Variants in FAN1 observed in about 807,000 individuals in gnomAD.
The protein encoded by FAN1 is fanconi-associated nuclease 1.
Under a neutral mutation model 104.9 loss-of-function variants are expected in FAN1, and 91 were observed. The observed-to-expected ratio is 0.87, with a 90% CI of 0.73 to 1.03. The LOEUF (loss-of-function observed/expected upper bound fraction) is 1.03. Among genes scored for constraint, FAN1 ranks in the 50% least tolerant of loss-of-function variants. The pLI is 0.00. For synonymous variants in FAN1, 478 were observed against 457.6 expected, an observed-to-expected ratio of 1.04 and a Z score of -0.57; for missense variants, 1,263 against 1,239.9, an observed-to-expected ratio of 1.02 and a Z score of -0.28.
In FAN1 at chr15:30,905,748, G is replaced by GCTGCAATGGTCCTGGTCAAA; in HGVS notation, c.1087_1106dup (p.Thr370AlafsTer21). 6.2e-7 allele frequency: 1 copy of GCTGCAATGGTCCTGGTCAAA among 1,614,196 alleles called. No individual in the cohort carries two copies. The highest frequency in any genetic ancestry group is 8.5e-7 in the Non-Finnish European group (1 of 1,180,032). ...AGCATTCCTTTGGAGCAGGGGTCAA[G>GCTGCAATGGTCCTGGTCAAA]CTGCAATGGTCCTGGTCAAACAACC... On this transcript the variant is annotated frameshift_variant, in exon 2 of 15. Transcript: ENST00000362065. LOFTEE classifies it high-confidence loss of function.
chr15:30,938,589 G>T (rs937957499), intron 14 of FAN1, among the ~76,000 whole-genome samples: 6 of 152,194 alleles, frequency 3.9e-5, no homozygotes, highest in Non-Finnish European at 8.8e-5. Context: ...CTGGGCAAGG[G>T]GGTGTGGTAG....
At chr15:30,906,949 T>C (rs2061993290) in intron 2 of FAN1, among the ~76,000 whole-genome samples, 1 of 152,210 alleles carries the variant, frequency 6.6e-6, no homozygotes, top group South Asian at 2.1e-4. Flanking sequence ...TTCCATGTAA[T>C]TGAGAAATAG....
chr15:30,943,037 A>C lies in FAN1; in HGVS notation c.*1475A>C. 1 of 1,547,136 alleles carries C rather than the reference A, an allele frequency of 6.5e-7. No homozygotes were observed. On this transcript the variant is annotated 3_prime_UTR_variant, in exon 15 of 15. Coordinates refer to ENST00000362065, the MANE Select transcript of FAN1 (RefSeq NM_014967.5). ...CAGAGGGGAATTTTAAGCCCTTCTC[A>C]TCACCCAATTGGATGTTTTTGCTTA... is the stretch of plus-strand genomic sequence containing the variant.
intron 8 of FAN1, among the ~76,000 whole-genome samples, chr15:30,922,845 G>GCTCT (rs1221914648): frequency 1.3e-5 from 2 of 152,206 alleles, no homozygotes; most frequent in African/African-American, 4.8e-5. Context: ...TCTGCCATTT[G>GCTCT]GAAGCGTTGT....
rs560051017 is a variant in FAN1, at chr15:30,938,132, C to T, written c.*3+873C>T. Among the ~76,000 whole-genome samples the T allele has an allele frequency of 8.8e-4, 133 of 151,172 alleles. 1 individual carries two copies. Among genetic ancestry groups the T allele is most frequent in the African/African-American group, 3.0e-3 (123 of 41,200 alleles). ...CCGGGAGGTGGAGCTTGCAGTGAGC[C>T]GAGATTGCACCACTGCACTCCAGCC... On this transcript the variant is annotated intron_variant, in intron 14 of 14. Transcript: ENST00000362065.
intron 13 of FAN1, 122 bp downstream of exon 13, chr15:30,930,793 C>T (rs965770515): frequency 1.6e-5 from 20 of 1,279,628 alleles, no homozygotes; most frequent in African/African-American, 1.0e-4. Flanking sequence ...GCTTTTGGGC[C>T]GAGGGCCTGG....
At chr15:30,923,286 G>A (rs1297707128) in intron 8 of FAN1, among the ~76,000 whole-genome samples, 1 of 152,186 alleles carries the variant, frequency 6.6e-6, no homozygotes, top group Non-Finnish European at 1.5e-5. Flanking sequence ...GGTGTTTACT[G>A]AGGCTGAAAT....
Position 30,928,601 on chromosome 15 carries a change from T to C in FAN1, c.2537T>C (p.Leu846Pro). Residue 846 changes from leucine to proline, a missense_variant, in exon 11 of 15, where the codon CTG (leucine) becomes CCG (proline). By Grantham distance (98) the Leu-to-Pro change is moderately conservative (BLOSUM62 -3). Transcript: ENST00000362065. The stretch of plus-strand genomic sequence containing the variant: ...TTCAGCACCCTGTATGGCCTCCTCC[T>C]GTGGGACATCATCTTCATGGATGGG... ...STFSTLYGLL[L>P]WDIIFMDGIP... 1.2e-6 allele frequency: 2 copies of C among 1,613,618 alleles called. No homozygotes were observed. The highest frequency in any genetic ancestry group is 1.7e-6 in the Non-Finnish European group (2 of 1,179,916).
At position 30,942,075 on chromosome 15, in the gene FAN1, A is replaced by G; in HGVS notation, c.*513A>G. The G allele has an allele frequency of 6.2e-7, 1 of 1,609,016 alleles. No individual in the cohort carries two copies. Among genetic ancestry groups the G allele is most frequent in the Non-Finnish European group, 8.5e-7 (1 of 1,176,816 alleles). On this transcript the variant is annotated 3_prime_UTR_variant, in exon 15 of 15. Transcript: ENST00000362065. Reference sequence around the variant, plus strand: ...CTTAGTGTGGAGCTGTAGCTTTTCTATACAGAAGAGATTTTATTATGTTCC... The same window carrying G: ...CTTAGTGTGGAGCTGTAGCTTTTCTGTACAGAAGAGATTTTATTATGTTCC...
chr15:30,907,032 TG>T (rs1449588183), intron 2 of FAN1, among the ~76,000 whole-genome samples: 1 of 152,144 alleles, frequency 6.6e-6, no homozygotes, highest in Non-Finnish European at 1.5e-5. Flanking sequence ...TACAATCTGT[TG>T]GTGTGTAGAA....
rs776742586 is a variant in FAN1, at chr15:30,928,648, G to T, written c.2584G>T (p.Ala862Ser). The T allele has an allele frequency of 1.2e-6, 2 of 1,613,812 alleles. No homozygotes were observed. Among genetic ancestry groups the T allele is most frequent in the East Asian group, 2.2e-5 (1 of 44,866 alleles). The change falls in exon 11 of 15, where the codon GCC becomes TCC. Residue 862 changes from alanine (A) to serine (S), a missense_variant. Physicochemically the swap from Ala to Ser is moderately conservative, Grantham distance 99 (BLOSUM62 1). This residue lies in a region of FAN1 where 581 missense variants were observed against 668.8 expected (regional missense o/e 0.87). Transcript: ENST00000362065. ...MDGIPDVFRN[A>S]CQAFPLDLCT... Reference sequence around the variant, plus strand: ...TGGGATTCCGGATGTCTTCAGAAACGCCTGTCAGGTACTCCAGTGCCCCTG... The same window carrying T: ...TGGGATTCCGGATGTCTTCAGAAACTCCTGTCAGGTACTCCAGTGCCCCTG...
chr15:30,914,190 C>A, intron 5 of FAN1, 99 bp downstream of exon 5: 2 of 826,796 alleles, frequency 2.4e-6, no homozygotes, highest in East Asian at 5.0e-5. Flanking sequence ...AACATTAAGT[C>A]CACAGCCAAA....
At chr15:30,926,610 A>T (rs578167424) in intron 10 of FAN1, 2 of 985,036 alleles carry the variant, frequency 2.0e-6, no homozygotes, top group African/African-American at 3.5e-5. Context: ...ACTTACAGGG[A>T]AGGGTGATGT....
intron 14 of FAN1, chr15:30,941,104 CA>C: frequency 2.4e-6 from 3 of 1,233,838 alleles, no homozygotes; most frequent in Non-Finnish European, 3.1e-6. Flanking sequence ...ACACGAAACA[CA>C]AATTTCCTAA....
intron 4 of FAN1, chr15:30,911,619 T>G (rs1273004372): frequency 1.1e-6 from 1 of 927,394 alleles, no homozygotes; most frequent in Non-Finnish European, 1.3e-6. Context: ...ATAAATTACA[T>G]ACTTGTAATT....
At chr15:30,929,708 CATAT>C (rs1305775730) in intron 12 of FAN1, among the ~76,000 whole-genome samples, 1 of 76,516 alleles carries the variant, frequency 1.3e-5, no homozygotes, top group Non-Finnish European at 2.3e-5. Flanking sequence ...TATATTATAT[CATAT>C]ATAATATATA....
intron 14 of FAN1, chr15:30,938,908 G>GTTCCAGTAGATGA (rs2062945763): frequency 2.0e-6 from 2 of 984,934 alleles, no homozygotes; most frequent in Admixed American, 1.2e-4. Flanking sequence ...CAATCACTGT[G>GTTCCAGTAGATGA]TTCCAGTAGA....
At chr15:30,941,149 G>A in intron 14 of FAN1, 7 of 1,306,418 alleles carry the variant, frequency 5.4e-6, no homozygotes, top group Non-Finnish European at 7.0e-6. Context: ...GGCTGCTAAT[G>A]TGACTGACTA....
At position 30,905,236 on chromosome 15, in the gene FAN1, C is replaced by G; in HGVS notation, c.573C>G (p.Ser191Arg). The G allele has an allele frequency of 6.2e-7, 1 of 1,613,844 alleles. No individual in the cohort carries two copies. The highest frequency in any genetic ancestry group is 1.6e-4 in the Middle Eastern group (1 of 6,062). ...GTTCCAAATCCACAGTTGTTAAGAG[C>G]CTGATTGATAACTCTTCAGAAATTG... ...PQSSKSTVVK[S>R]LIDNSSEIED... Residue 191 changes from serine to arginine, a missense_variant, in exon 2 of 15, where the codon AGC becomes AGG. Ser to Arg is a moderately radical substitution (Grantham distance 110, BLOSUM62 -1). Coordinates refer to ENST00000362065, the MANE Select transcript of FAN1 (RefSeq NM_014967.5).
Sources: allele counts gnomAD v4.1 joint callset (sites outside exome capture counted in the v4.1 genomes callset), GRCh38; gene constraint gnomAD v4.1.1; regional missense constraint gnomAD v4.1.1; transcripts MANE v1.5; gene names NCBI Gene and HGNC (gene_info 2026-07-23, HGNC 2026-07-21).